SMOC2: variants seen among roughly 807,000 people sequenced by gnomAD.
The protein encoded by SMOC2 is SPARC-related modular calcium-binding protein 2.
A neutral mutation model predicts 61.4 loss-of-function variants in SMOC2; 39 were observed. The ratio of observed to expected loss-of-function variants is 0.64; its 90% CI spans 0.49 to 0.83. The LOEUF (loss-of-function observed/expected upper bound fraction) is 0.83. Among genes scored for constraint, SMOC2 ranks in the 40% least tolerant of loss-of-function variants. The pLI is 0.00. For missense variants in SMOC2, 556 were observed against 592.9 expected (o/e 0.94, Z 0.65); for synonymous variants, 247 against 239.9 (o/e 1.03, Z -0.27).
chr6:168,528,795 T>C (rs1007756362), intron 4 of SMOC2, among the ~76,000 whole-genome samples: 1 of 152,258 alleles, frequency 6.6e-6, no homozygotes, highest in Non-Finnish European at 1.5e-5. Flanking sequence ...GCTGGAAATA[T>C]ATCTTTAGTT....
At chr6:168,464,390 C>G (rs573047183) in intron 1 of SMOC2, among the ~76,000 whole-genome samples, 3 of 152,090 alleles carry the variant, frequency 2.0e-5, no homozygotes, top group Admixed American at 1.3e-4. Flanking sequence ...AATTAGCTGA[C>G]AGTGACGCTG....
chr6:168,516,601 G>T (rs908566413), intron 2 of SMOC2, among the ~76,000 whole-genome samples: 2 of 151,546 alleles, frequency 1.3e-5, no homozygotes, highest in African/African-American at 4.9e-5. Context: ...TCAGCAAAGC[G>T]GCTGGGACTC....
chr6:168,664,455 G>C (rs187729837), intron 12 of SMOC2: 2 of 404,978 alleles, frequency 4.9e-6, no homozygotes, highest in South Asian at 3.6e-5. Flanking sequence ...GGCTAGTTTC[G>C]AACTCACAGG....
chr6:168,599,188 C>G (rs1010126256), intron 8 of SMOC2, among the ~76,000 whole-genome samples, 184 bp downstream of exon 8: 5 of 121,408 alleles, frequency 4.1e-5, no homozygotes, highest in African/African-American at 1.6e-4. Context: ...CACCCACACA[C>G]ACTCATACCA....
chr6:168,465,699 C>T (rs1214001855), intron 1 of SMOC2, among the ~76,000 whole-genome samples: 4 of 149,046 alleles, frequency 2.7e-5, no homozygotes, highest in African/African-American at 9.9e-5. Context: ...AGAGCTGGAA[C>T]TGGGGGCTCT....
intron 1 of SMOC2, among the ~76,000 whole-genome samples, chr6:168,469,488 G>T (rs1236996623): frequency 1.3e-5 from 2 of 152,186 alleles, no homozygotes; most frequent in Admixed American, 1.3e-4. Flanking sequence ...GGGATCAATA[G>T]AATTCAGAGG....
chr6:168,603,333 T>C (rs1785605966), intron 8 of SMOC2, among the ~76,000 whole-genome samples: 1 of 145,684 alleles, frequency 6.9e-6, no homozygotes, highest in Non-Finnish European at 1.5e-5. Flanking sequence ...GGGGGTGTCA[T>C]AGGGGTGGGG....
At chr6:168,645,140 T>C (rs566312271) in intron 9 of SMOC2, among the ~76,000 whole-genome samples, 4 of 152,264 alleles carry the variant, frequency 2.6e-5, no homozygotes, top group Non-Finnish European at 4.4e-5. Flanking sequence ...AAAGGAGAAA[T>C]TCTCAGCGCC....
rs746648818 is a variant in SMOC2 at position 168,519,033 on chromosome 6, GTA to G, written c.257-7311_257-7310del. 5.0e-3 allele frequency among the ~76,000 whole-genome samples: 227 copies of G among 45,584 alleles called. 4 individuals are homozygous for G. In the South Asian group the frequency reaches 0.075, roughly 15 times the overall value. 29.9% of individuals were successfully genotyped at this position (45,584 alleles called of 152,430 possible). A position where few individuals can be genotyped will look rare whatever the true frequency, so the allele number is the denominator to read the frequency against. Reference sequence around the variant, plus strand: ...TATGCGTGCATGCGAACATGTGTGTGTATGTGTGCATGTGTGAGCATGCATAT... The same window carrying G: ...TATGCGTGCATGCGAACATGTGTGTGTGTGTGCATGTGTGAGCATGCATAT... On this transcript the variant is annotated intron_variant, in intron 2 of 12. Transcript: ENST00000356284.
chr6:168,517,351 T>C (rs2763240), intron 2 of SMOC2, among the ~76,000 whole-genome samples: 80,136 of 152,152 alleles, frequency 0.53, 23,326 homozygotes, highest in Non-Finnish European at 0.67. Flanking sequence ...CCAGGCCTTC[T>C]CAAGCCGCCT....
At chr6:168,611,215 G>T in intron 9 of SMOC2, among the ~76,000 whole-genome samples, 1 of 145,070 alleles carries the variant, frequency 6.9e-6, no homozygotes, top group South Asian at 2.2e-4. Context: ...TCCCGTGTCG[G>T]GCCTGGCTGT....
At chr6:168,619,788 C>T (rs1412726071) in intron 9 of SMOC2, among the ~76,000 whole-genome samples, 1 of 152,222 alleles carries the variant, frequency 6.6e-6, no homozygotes, top group Non-Finnish European at 1.5e-5. Flanking sequence ...CCAGTCCGGA[C>T]AGAGGGGACT....
intron 11 of SMOC2, among the ~76,000 whole-genome samples, chr6:168,659,567 AGGTT>A (rs1787427950): frequency 1.4e-5 from 1 of 71,614 alleles, no homozygotes; most frequent in Non-Finnish European, 3.0e-5. Flanking sequence ...TGGAGGTTGT[AGGTT>A]GAGTCAGGGT....
At chr6:168,646,480 A>G (rs1289270770) in intron 9 of SMOC2, among the ~76,000 whole-genome samples, 1 of 152,260 alleles carries the variant, frequency 6.6e-6, no homozygotes, top group Admixed American at 6.5e-5. Context: ...ACTTGTATCC[A>G]TTTGTATTTA....
chr6:168,447,536 G>C (rs1781356856), intron 1 of SMOC2, among the ~76,000 whole-genome samples: 1 of 152,172 alleles, frequency 6.6e-6, no homozygotes, highest in Non-Finnish European at 1.5e-5. Context: ...AGAGCCAGCT[G>C]CATCATCTCT....
At chr6:168,537,711 G>T (rs188704691) in intron 4 of SMOC2, among the ~76,000 whole-genome samples, 1 of 152,126 alleles carries the variant, frequency 6.6e-6, no homozygotes, top group Admixed American at 6.5e-5. Context: ...ATATGCCCTC[G>T]GTCCTCTGGC....
At chr6:168,630,935 T>A (rs938958661) in intron 9 of SMOC2, among the ~76,000 whole-genome samples, 1 of 152,220 alleles carries the variant, frequency 6.6e-6, no homozygotes, top group Non-Finnish European at 1.5e-5. Flanking sequence ...CCTGATAAGA[T>A]GTTATCAATG....
chr6:168,607,869 T>TCCAACCCTGCAACGGGA (rs1440562829), intron 8 of SMOC2, among the ~76,000 whole-genome samples: 67 of 56,490 alleles, frequency 1.2e-3, no homozygotes, highest in South Asian at 2.3e-3. Context: ...TGTGGGTGCT[T>TCCAACCCTGCAACGGGA]GGCAGCTGCT....
At chr6:168,595,868 A>T (rs1785317098) in intron 7 of SMOC2, among the ~76,000 whole-genome samples, 1 of 152,270 alleles carries the variant, frequency 6.6e-6, no homozygotes, top group African/African-American at 2.4e-5. Context: ...GAGACGTTTC[A>T]AGAATTTTTG....
Sources: allele counts gnomAD v4.1 joint callset (sites outside exome capture counted in the v4.1 genomes callset), GRCh38; gene constraint gnomAD v4.1.1; transcripts MANE v1.5; gene names NCBI Gene and HGNC (gene_info 2026-07-23, HGNC 2026-07-21).